PCDHGA5: variants seen among roughly 807,000 people sequenced by gnomAD.
PCDHGA5 encodes the protein protocadherin gamma subfamily A, 5, also known as protocadherin gamma-A5.
PCDHGA5 carries 36 observed loss-of-function variants against 56.7 expected under a neutral mutation model. That is an observed-to-expected ratio of 0.64 (90% CI 0.49 to 0.84). The LOEUF is 0.84. Among genes scored for constraint, PCDHGA5 ranks in the 40% least tolerant of loss-of-function variants. PCDHGA5 has a pLI of 0.00. For synonymous variants in PCDHGA5, 563 were observed against 520.2 expected (o/e 1.08, Z -1.12); for missense variants, 1,305 against 1,201.5 (o/e 1.09, Z -1.27).
chr5:141,432,803 G>T lies in PCDHGA5; in HGVS notation c.2422-62004G>T, dbSNP rs751950423. 3 of 1,614,160 alleles carry T rather than the reference G, an allele frequency of 1.9e-6. No homozygotes were observed. The highest frequency in any genetic ancestry group is 2.2e-5 in the East Asian group (1 of 44,874). ...GGACCTCGGCAGCCTCGAGTCTCCA[G>T]CTAACTCTGAAACCTCAGACCTCAC... On this transcript the variant is annotated intron_variant, in intron 1 of 3. Coordinates refer to ENST00000518069, the MANE Select transcript of PCDHGA5 (RefSeq NM_018918.3). This position sits in a 1 kb window ranked among gnomAD's most constrained non-coding sequence, Gnocchi z 6.0.
At chr5:141,413,222 G>T in intron 1 of PCDHGA5, 1 of 1,613,796 alleles carries the variant, frequency 6.2e-7, no homozygotes, top group Admixed American at 1.7e-5. Flanking sequence ...GATTGCAGCG[G>T]GCTGGTCCTG....
rs70988800 is a variant in PCDHGA5 at position 141,379,889 on chromosome 5, C to CTTTTTTTTTTTTTTTTTTTTTTTT, written c.2421+13145_2421+13168dup. Among the ~76,000 whole-genome samples, 49 of 50,830 alleles carry CTTTTTTTTTTTTTTTTTTTTTTTT rather than the reference C, an allele frequency of 9.6e-4. 5 individuals are homozygous for CTTTTTTTTTTTTTTTTTTTTTTTT. The highest frequency in any genetic ancestry group is 1.6e-3 in the Non-Finnish European group (41 of 25,880). 33.3% of individuals were successfully genotyped at this position (50,830 alleles called of 152,430 possible). ...CTTATTTTATGGTCTGTGAAAGCCT[C>CTTTTTTTTTTTTTTTTTTTTTTTT]TTTTTTTTTTTTTTTTTTTTTTTTT... On this transcript the variant is annotated intron_variant, in intron 1 of 3. Coordinates refer to ENST00000518069, the MANE Select transcript of PCDHGA5 (RefSeq NM_018918.3).
At chr5:141,510,134 C>T (rs1273076437) in intron 3 of PCDHGA5, among the ~76,000 whole-genome samples, 1 of 152,064 alleles carries the variant, frequency 6.6e-6, no homozygotes, top group East Asian at 1.9e-4. Context: ...ATTAGCTGGG[C>T]TAGTGGTGTG....
intron 1 of PCDHGA5, chr5:141,428,236 G>T: frequency 5.8e-6 from 6 of 1,027,096 alleles, no homozygotes; most frequent in Non-Finnish European, 8.9e-6. Flanking sequence ...CAGCCTGCAG[G>T]AGGCACTGCC....
intron 1 of PCDHGA5, chr5:141,393,324 CA>C (rs2092729145): frequency 6.2e-7 from 1 of 1,611,096 alleles, no homozygotes; most frequent in African/African-American, 1.4e-5. Context: ...CCAGAGCTAC[CA>C]GCTCAGCCCC....
rs765661515 is a variant in PCDHGA5 at position 141,398,665 on chromosome 5, T to C, written c.2421+31914T>C. The stretch of plus-strand genomic sequence containing the variant: ...ACTCTCTCTTAACCCAAGTTTCTCA[T>C]TAATAATTAAGGAGAAACAGGATGG... On this transcript the variant is annotated intron_variant, in intron 1 of 3. Transcript: ENST00000518069. 1.9e-6 allele frequency: 3 copies of C among 1,614,002 alleles called. No homozygotes were observed. In the South Asian group the frequency reaches 3.3e-5, roughly 18 times the overall value.
intron 1 of PCDHGA5, chr5:141,403,288 CAG>C: frequency 6.2e-7 from 1 of 1,613,878 alleles, no homozygotes; most frequent in Admixed American, 1.7e-5. Context: ...TGGTTGAAGA[CAG>C]AGTGAAACTG....
Position 141,487,548 on chromosome 5 carries a change from G to T in PCDHGA5, c.2422-7259G>T. The T allele has an allele frequency of 6.2e-7, 1 of 1,614,190 alleles. No homozygotes were observed. Among genetic ancestry groups the T allele is most frequent in the Non-Finnish European group, 8.5e-7 (1 of 1,180,038 alleles). ...AGCTTCATGATGGTGAAGTCACCCA[G>T]TGCACCTATGGCAGGGGAGCCTGTT... is the stretch of plus-strand genomic sequence containing the variant. On this transcript the variant is annotated intron_variant, in intron 1 of 3. Coordinates refer to ENST00000518069, the MANE Select transcript of PCDHGA5 (RefSeq NM_018918.3). The surrounding 1 kb of genome is among the most constrained non-coding windows in gnomAD (Gnocchi z 5.0).
rs553673516 is a variant in PCDHGA5, at chr5:141,476,211, T to C, written c.2422-18596T>C. The C allele has an allele frequency of 5.4e-5, 87 of 1,613,942 alleles. No individual in the cohort carries two copies. The highest frequency in any genetic ancestry group is 7.0e-5 in the Non-Finnish European group (83 of 1,180,000). ...GGTGCCTTGAACAAGGCTTCCACGG[T>C]CATTCACTATGAGATCCCGGAGGAA... On this transcript the variant is annotated intron_variant, in intron 1 of 3. Coordinates refer to ENST00000518069, the MANE Select transcript of PCDHGA5 (RefSeq NM_018918.3). The surrounding 1 kb of genome is among the most constrained non-coding windows in gnomAD (Gnocchi z 7.6).
chr5:141,430,659 G>A, intron 1 of PCDHGA5: 1 of 1,110,600 alleles, frequency 9.0e-7, no homozygotes, highest in Non-Finnish European at 1.2e-6. Context: ...AACAACGGAG[G>A]AGCTCTGACT....
intron 1 of PCDHGA5, chr5:141,371,473 C>T: frequency 6.2e-7 from 1 of 1,613,958 alleles, no homozygotes; most frequent in Admixed American, 1.7e-5. Flanking sequence ...CAAGAAGATG[C>T]TGAGCTGGGG....
At chr5:141,389,609 G>A (rs1188923316) in intron 1 of PCDHGA5, 3 of 1,612,966 alleles carry the variant, frequency 1.9e-6, no homozygotes, top group South Asian at 2.2e-5. Flanking sequence ...TCTTCGATAT[G>A]GTGCCGCACG....
chr5:141,458,694 C>T (rs905547768), intron 1 of PCDHGA5, among the ~76,000 whole-genome samples: 3 of 152,018 alleles, frequency 2.0e-5, no homozygotes, highest in Non-Finnish European at 2.9e-5. Flanking sequence ...CTCAGCCTCC[C>T]GAGTAGCTGG....
chr5:141,395,528 A>T, intron 1 of PCDHGA5: 1 of 368,434 alleles, frequency 2.7e-6, no homozygotes, highest in Non-Finnish European at 4.9e-6. Flanking sequence ...CCATACTGGT[A>T]ATTTTGCTAT....
At position 141,371,931 on chromosome 5, in the gene PCDHGA5, G is replaced by A. The variant is rs934034667; in HGVS notation, c.2421+5180G>A. 21 of 1,613,254 alleles carry A rather than the reference G, an allele frequency of 1.3e-5. No homozygotes were observed. The Middle Eastern group carries it at 4.9e-4, about 38-fold the overall frequency. ...CGTGTCCGTGAGCGCGCGGAGCGGG[G>A]TGGTGTTCGCGCAGCGAGCCTTCGA... On this transcript the variant is annotated intron_variant, in intron 1 of 3. Transcript: ENST00000518069.
At position 141,370,934 on chromosome 5, in the gene PCDHGA5, G is replaced by C. The variant is rs757298448; in HGVS notation, c.2421+4183G>C. The C allele has an allele frequency of 1.2e-6, 2 of 1,613,980 alleles. No homozygotes were observed. Among genetic ancestry groups the C allele is most frequent in the South Asian group, 2.2e-5 (2 of 91,086 alleles). On this transcript the variant is annotated intron_variant, in intron 1 of 3. Coordinates refer to ENST00000518069, the MANE Select transcript of PCDHGA5 (RefSeq NM_018918.3). ...TCAGCCCTGATCCGCACTTCTCTTT[G>C]ATTCAGAAGGAGAACCTGGATGGCA... is the stretch of plus-strand genomic sequence containing the variant.
chr5:141,477,274 G>A lies in PCDHGA5; in HGVS notation c.2422-17533G>A. The A allele has an allele frequency of 2.5e-6, 4 of 1,614,034 alleles. No homozygotes were observed. Among genetic ancestry groups the A allele is most frequent in the East Asian group, 2.2e-5 (1 of 44,880 alleles). ...ACCTGGATGCTGGCGAGAACGGGCT[G>A]GTGACCTGCGAAGTTCCACCGGGTC... On this transcript the variant is annotated intron_variant, in intron 1 of 3. Coordinates refer to ENST00000518069, the MANE Select transcript of PCDHGA5 (RefSeq NM_018918.3). This position sits in a 1 kb window ranked among gnomAD's most constrained non-coding sequence, Gnocchi z 4.9.
intron 1 of PCDHGA5, chr5:141,413,580 A>G (rs1216926250): frequency 5.0e-6 from 8 of 1,613,804 alleles, no homozygotes; most frequent in Non-Finnish European, 1.7e-6. Context: ...ACAATGCTCC[A>G]AAATTCCAAG....
At chr5:141,509,032 A>G (rs2099873869) in intron 3 of PCDHGA5, among the ~76,000 whole-genome samples, 1 of 151,488 alleles carries the variant, frequency 6.6e-6, no homozygotes, top group African/African-American at 2.4e-5. Flanking sequence ...CTCCCACTCA[A>G]CCCCTCTCCC....
Sources: gnomAD v4.1 joint callset for allele counts (sites outside exome capture counted in the v4.1 genomes callset) on GRCh38, gnomAD v4.1.1 for gene constraint, Gnocchi (gnomAD v3.1) non-coding constraint, MANE v1.5 for transcripts, NCBI Gene and HGNC (gene_info 2026-07-23, HGNC 2026-07-21) for gene names.